The following SOX6 variants were observed in gnomAD, a reference collection of about 807,000 sequenced individuals.
The protein encoded by SOX6 is transcription factor SOX-6.
Under a neutral mutation model 97.8 loss-of-function variants are expected in SOX6, and 11 were observed. The ratio of observed to expected loss-of-function variants is 0.11; its 90% CI spans 0.07 to 0.19. The LOEUF is 0.19. Ranked by LOEUF, SOX6 falls within the 10% of genes least tolerant of loss-of-function variation. SOX6 has a pLI of 1.00. For missense variants in SOX6, 810 were observed against 1,039.5 expected (o/e 0.78, Z 3.04); for synonymous variants, 360 against 371.4 (o/e 0.97, Z 0.35).
At chr11:16,417,369 GT>G (rs928152240) in intron 1 of SOX6, among the ~76,000 whole-genome samples, 2 of 152,122 alleles carry the variant, frequency 1.3e-5, no homozygotes, top group Non-Finnish European at 2.9e-5. Context: ...ATTCACGACT[GT>G]GATTGGGGTA....
intron 6 of SOX6, among the ~76,000 whole-genome samples, chr11:16,155,610 A>C (rs1246143683): frequency 6.6e-6 from 1 of 152,144 alleles, no homozygotes; most frequent in Non-Finnish European, 1.5e-5. Flanking sequence ...TACATAAGGC[A>C]TGTATTACAG....
chr11:16,167,476 C>T (rs1168981451), intron 6 of SOX6, among the ~76,000 whole-genome samples: 2 of 152,246 alleles, frequency 1.3e-5, no homozygotes, highest in Non-Finnish European at 2.9e-5. Context: ...CAGGGCACGC[C>T]GTTCTTTCCA....
At chr11:16,297,674 C>T (rs974901282) in intron 3 of SOX6, among the ~76,000 whole-genome samples, 9 of 152,242 alleles carry the variant, frequency 5.9e-5, no homozygotes, top group African/African-American at 1.7e-4. Flanking sequence ...TCTAGTCACA[C>T]GCAGTGGGAG....
At chr11:16,025,966 G>C (rs1855206910) in intron 12 of SOX6, among the ~76,000 whole-genome samples, 1 of 152,144 alleles carries the variant, frequency 6.6e-6, no homozygotes, top group Non-Finnish European at 1.5e-5. Context: ...AAACAGCAAT[G>C]TGACCAAGGA....
At chr11:16,413,649 T>C (rs1195867822) in intron 1 of SOX6, among the ~76,000 whole-genome samples, 1 of 150,986 alleles carries the variant, frequency 6.6e-6, no homozygotes, top group Non-Finnish European at 1.5e-5. Flanking sequence ...GCCTCCCAAG[T>C]AGCTGGGATT....
chr11:16,513,822 T>C (rs1374427517), intron 4 of SOX6, among the ~76,000 whole-genome samples: 1 of 152,192 alleles, frequency 6.6e-6, no homozygotes, highest in African/African-American at 2.4e-5. Context: ...GGAATGATTC[T>C]TATTCCACAA....
intron 2 of SOX6, among the ~76,000 whole-genome samples, chr11:16,735,344 G>GC (rs2134062434): frequency 6.6e-6 from 1 of 152,202 alleles, no homozygotes; most frequent in African/African-American, 2.4e-5. Flanking sequence ...TGCCCAAACT[G>GC]TTTTTTCAAG....
At chr11:16,091,715 T>A (rs780203678) in intron 9 of SOX6, among the ~76,000 whole-genome samples, 1 of 152,054 alleles carries the variant, frequency 6.6e-6, no homozygotes, top group Non-Finnish European at 1.5e-5. Flanking sequence ...TGACAGGTTT[T>A]CTTAGTGCTT....
chr11:16,620,605 T>A (rs1453210246), intron 3 of SOX6, among the ~76,000 whole-genome samples: 1 of 152,342 alleles, frequency 6.6e-6, no homozygotes, highest in East Asian at 1.9e-4. Flanking sequence ...ATTCAAGGTT[T>A]TCATCAAAAT....
intron 3 of SOX6, among the ~76,000 whole-genome samples, chr11:16,637,172 G>A (rs1848803187): frequency 6.6e-6 from 1 of 151,954 alleles, no homozygotes. Flanking sequence ...TTTATTTCAA[G>A]TTCTTTTTTA....
At chr11:16,159,359 T>G (rs1363518367) in intron 6 of SOX6, among the ~76,000 whole-genome samples, 1 of 152,152 alleles carries the variant, frequency 6.6e-6, no homozygotes, top group African/African-American at 2.4e-5. Context: ...TTATCTTTTC[T>G]ACCTACCTTA....
At chr11:16,731,434 G>C (rs1398985569) in intron 2 of SOX6, among the ~76,000 whole-genome samples, 1 of 152,184 alleles carries the variant, frequency 6.6e-6, no homozygotes, top group Non-Finnish European at 1.5e-5. Flanking sequence ...TGCAAGGCTG[G>C]TTCAACATAC....
At chr11:16,325,103 T>C (rs1363400652) in intron 2 of SOX6, among the ~76,000 whole-genome samples, 1 of 152,154 alleles carries the variant, frequency 6.6e-6, no homozygotes, top group East Asian at 1.9e-4. Context: ...ATAATTTTAT[T>C]TCCTTTTTGA....
intron 9 of SOX6, among the ~76,000 whole-genome samples, chr11:16,085,477 T>C (rs1590186532): frequency 1.3e-5 from 2 of 152,250 alleles, no homozygotes; most frequent in East Asian, 3.9e-4. Context: ...AAATGGCCCA[T>C]TGAAATACAG....
intron 1 of SOX6, among the ~76,000 whole-genome samples, chr11:16,396,718 T>C (rs983109939): frequency 6.6e-6 from 1 of 151,590 alleles, no homozygotes; most frequent in African/African-American, 2.4e-5. Flanking sequence ...AGGTTCATTT[T>C]TGTAATATGA....
At chr11:16,479,861 T>C (rs926614705), upstream of SOX6, among the ~76,000 whole-genome samples, 1 of 152,118 alleles carries the variant, frequency 6.6e-6, no homozygotes, top group African/African-American at 2.4e-5. Flanking sequence ...CTTTCAAAAA[T>C]TATCTTAAAG....
intron 3 of SOX6, among the ~76,000 whole-genome samples, chr11:16,275,026 G>GAA (rs1292399233): frequency 6.6e-6 from 1 of 152,108 alleles, no homozygotes; most frequent in Non-Finnish European, 1.5e-5. Context: ...GCAGAATCTT[G>GAA]AAAAGTCTAG....
At chr11:16,434,769 G>A (rs922098912) in intron 1 of SOX6, among the ~76,000 whole-genome samples, 10 of 152,070 alleles carry the variant, frequency 6.6e-5, no homozygotes, top group African/African-American at 2.2e-4. Flanking sequence ...TGTCTGAGAT[G>A]CCATATAAAC....
intron 6 of SOX6, among the ~76,000 whole-genome samples, chr11:16,139,570 A>G (rs1850072962): frequency 6.6e-6 from 1 of 152,104 alleles, no homozygotes; most frequent in South Asian, 2.1e-4. Flanking sequence ...TCCTTTTGTT[A>G]TGCTCTTAAA....
Sources: gnomAD v4.1 joint callset for allele counts (sites outside exome capture counted in the v4.1 genomes callset) on GRCh38, gnomAD v4.1.1 for gene constraint, MANE v1.5 for transcripts, NCBI Gene and HGNC (gene_info 2026-07-23, HGNC 2026-07-21) for gene names.